RPS6KA5: variants seen among roughly 807,000 people sequenced by gnomAD.
RPS6KA5 encodes the protein ribosomal protein S6 kinase alpha-5.
Under a neutral mutation model 85.5 loss-of-function variants are expected in RPS6KA5, and 27 were observed. The observed-to-expected ratio is 0.32, with a 90% confidence interval of 0.23 to 0.44. RPS6KA5 has a LOEUF of 0.44. Among genes scored for constraint, RPS6KA5 ranks in the 20% least tolerant of loss-of-function variants. The probability of loss-of-function intolerance (pLI) is 1.00; values close to 1 mark genes in which losing one functional copy is unlikely to be tolerated. For synonymous variants in RPS6KA5, 334 were observed against 348.2 expected (o/e 0.96, Z 0.46); for missense variants, 811 against 980.9 (o/e 0.83, Z 2.31).
chr14:90,898,250 A>G (rs1024347833), intron 12 of RPS6KA5, among the ~76,000 whole-genome samples: 4 of 152,162 alleles, frequency 2.6e-5, no homozygotes, highest in African/African-American at 9.7e-5. Flanking sequence ...TCATGGACCT[A>G]TGGTAAGGAC....
intron 1 of RPS6KA5, 144 bp downstream of exon 1, chr14:91,060,188 C>G (rs2043589226): frequency 4.2e-6 from 4 of 962,756 alleles, no homozygotes; most frequent in South Asian, 4.7e-5. Flanking sequence ...CCGGGGCACG[C>G]GCCCCGACCG....
intron 13 of RPS6KA5, among the ~76,000 whole-genome samples, chr14:90,891,101 T>C (rs986280847): frequency 6.6e-5 from 10 of 151,950 alleles, no homozygotes; most frequent in African/African-American, 2.4e-4. Flanking sequence ...TTACCACCTC[T>C]GTATTGCTAG....
intron 2 of RPS6KA5, among the ~76,000 whole-genome samples, chr14:90,987,067 CTTTT>C (rs1050218161): frequency 6.6e-6 from 1 of 152,200 alleles, no homozygotes; most frequent in African/African-American, 2.4e-5. Context: ...ATGGAATCAT[CTTTT>C]TATTATGGCA....
chr14:90,986,113 T>C (rs1372847904), intron 2 of RPS6KA5, among the ~76,000 whole-genome samples: 1 of 152,208 alleles, frequency 6.6e-6, no homozygotes, highest in East Asian at 1.9e-4. Context: ...TTATGCAAAA[T>C]AAACTGTTTA....
intron 1 of RPS6KA5, among the ~76,000 whole-genome samples, chr14:91,017,715 A>C (rs752082489): frequency 6.6e-6 from 1 of 152,254 alleles, no homozygotes; most frequent in Non-Finnish European, 1.5e-5. Flanking sequence ...TATTAACCCT[A>C]GTAGCCCACT....
intron 1 of RPS6KA5, among the ~76,000 whole-genome samples, chr14:91,049,164 T>A (rs1475583565): frequency 6.6e-6 from 1 of 152,204 alleles, no homozygotes; most frequent in Non-Finnish European, 1.5e-5. Flanking sequence ...GGTAGAAAGT[T>A]AAGAAGGGAT....
intron 1 of RPS6KA5, among the ~76,000 whole-genome samples, chr14:91,017,578 G>A (rs2041560308): frequency 6.6e-6 from 1 of 152,144 alleles, no homozygotes; most frequent in Non-Finnish European, 1.5e-5. Flanking sequence ...TTGCAGGGCT[G>A]GGGCAAGGTT....
At chr14:91,034,862 G>C (rs1330084899) in intron 1 of RPS6KA5, among the ~76,000 whole-genome samples, 2 of 152,028 alleles carry the variant, frequency 1.3e-5, no homozygotes, top group African/African-American at 4.8e-5. Flanking sequence ...CATTCATTAA[G>C]TGTTCCTCTA....
chr14:90,991,886 T>C (rs1045512904), intron 2 of RPS6KA5, among the ~76,000 whole-genome samples: 1 of 152,098 alleles, frequency 6.6e-6, no homozygotes, highest in African/African-American at 2.4e-5. Context: ...GTTTTATGCA[T>C]ATTAGATGTA....
intron 1 of RPS6KA5, among the ~76,000 whole-genome samples, chr14:91,024,825 G>C (rs918193861): frequency 2.0e-5 from 3 of 152,062 alleles, no homozygotes; most frequent in Admixed American, 6.5e-5. Flanking sequence ...AATGATTTCT[G>C]TATGTGTTTT....
At chr14:90,927,290 T>C (rs780488074) in intron 5 of RPS6KA5, among the ~76,000 whole-genome samples, 1 of 151,904 alleles carries the variant, frequency 6.6e-6, no homozygotes, top group Non-Finnish European at 1.5e-5. Flanking sequence ...ATCATTTAAA[T>C]AGAAGACAGG....
At chr14:91,029,524 C>G (rs532118756) in intron 1 of RPS6KA5, among the ~76,000 whole-genome samples, 1 of 152,274 alleles carries the variant, frequency 6.6e-6, no homozygotes, top group South Asian at 2.1e-4. Context: ...CTATCTAAAA[C>G]AGTAGTGGCT....
chr14:90,848,382 T>C lies in RPS6KA5; in HGVS notation c.*23692A>G, dbSNP rs955227547. ...AAGAGGGAAGTTCATTATGAATTAA[T>C]ACTTGGAAGATTCTAGCCCAGCTAG... On this transcript the variant is annotated 3_prime_UTR_variant, in exon 17 of 17. Transcript: ENST00000614987. The C allele has an allele frequency of 6.6e-6, 1 of 152,194 alleles. No individual in the cohort carries two copies. Among genetic ancestry groups the C allele is most frequent in the Non-Finnish European group, 1.5e-5 (1 of 68,030 alleles). 9.4% of individuals were successfully genotyped at this position (152,194 alleles called of 1,614,324 possible). A position where few individuals can be genotyped will look rare whatever the true frequency, so the allele number is the denominator to read the frequency against.
intron 14 of RPS6KA5, among the ~76,000 whole-genome samples, chr14:90,889,510 A>C (rs918616029): frequency 1.3e-4 from 20 of 152,276 alleles, no homozygotes; most frequent in African/African-American, 4.8e-4. Context: ...ATCCAGGCAC[A>C]CATGTTAAAG....
chr14:91,013,800 T>C (rs2041363684), intron 1 of RPS6KA5, among the ~76,000 whole-genome samples: 1 of 152,114 alleles, frequency 6.6e-6, no homozygotes, highest in African/African-American at 2.4e-5. Flanking sequence ...TGGAAAACAG[T>C]GAAGCCAATG....
chr14:90,920,218 G>T lies in RPS6KA5; in HGVS notation c.794C>A (p.Ala265Asp). 1 of 1,601,628 alleles carries T rather than the reference G, an allele frequency of 6.2e-7. No individual in the cohort carries two copies. Among genetic ancestry groups the T allele is most frequent in the Non-Finnish European group, 8.6e-7 (1 of 1,169,172 alleles). ...FTVDGEKNSQ[A>D]EISRRILKSE... Reference sequence around the variant, plus strand: ...TGTCAAATCTTACCTAGATATCTCAGCTTGGGAATTTTTTTCTCCATCAAC... The same window carrying T: ...TGTCAAATCTTACCTAGATATCTCATCTTGGGAATTTTTTTCTCCATCAAC... Residue 265 changes from alanine to aspartate, a missense_variant, in exon 7 of 17, where the codon GCT becomes GAT. Ala to Asp is a moderately radical substitution (Grantham distance 126). Coordinates refer to ENST00000614987, the MANE Select transcript of RPS6KA5 (RefSeq NM_004755.4).
intron 2 of RPS6KA5, among the ~76,000 whole-genome samples, chr14:90,992,134 A>G (rs1215074748): frequency 3.3e-5 from 5 of 152,194 alleles, no homozygotes; most frequent in Non-Finnish European, 5.9e-5. Context: ...CTGAAAGATT[A>G]GTGGTAAAAT....
In RPS6KA5 at chr14:90,854,589, A is replaced by G. The variant is rs1451768315; in HGVS notation, c.*17485T>C. On this transcript the variant is annotated 3_prime_UTR_variant, in exon 17 of 17. Transcript: ENST00000614987. ...GAAAGCCAACACTAGATTCCACAGC[A>G]AGGACACTGGAATTTAAAAATCTGG... The G allele has an allele frequency of 6.6e-6, 1 of 152,200 alleles. No homozygotes were observed. The highest frequency in any genetic ancestry group is 6.5e-5 in the Admixed American group (1 of 15,276). The allele number at this position is 152,200 out of a possible 1,614,324, so 9.4% of individuals were successfully genotyped here. A position where few individuals can be genotyped will look rare whatever the true frequency, so the allele number is the denominator to read the frequency against.
intron 7 of RPS6KA5, among the ~76,000 whole-genome samples, chr14:90,910,936 C>T (rs893693529): frequency 2.0e-5 from 3 of 152,078 alleles, no homozygotes; most frequent in Non-Finnish European, 2.9e-5. Context: ...CCTCCCACCT[C>T]GGCCTCCCAA....
Sources: allele counts gnomAD v4.1 joint callset (sites outside exome capture counted in the v4.1 genomes callset), GRCh38; gene constraint gnomAD v4.1.1; transcripts MANE v1.5; gene names NCBI Gene and HGNC (gene_info 2026-07-23, HGNC 2026-07-21).